Variants in SLC24A2 observed in about 807,000 individuals in gnomAD.
The protein encoded by SLC24A2 is solute carrier family 24 member 2.
SLC24A2 carries 36 observed loss-of-function variants against 62.0 expected under a neutral mutation model. The ratio of observed to expected loss-of-function variants is 0.58; its 90% CI spans 0.44 to 0.77. The LOEUF is 0.77. Among genes scored for constraint, SLC24A2 ranks in the 30% least tolerant of loss-of-function variants. The pLI is 0.00. For missense variants in SLC24A2, 846 were observed against 817.9 expected (o/e 1.03, Z -0.42); for synonymous variants, 358 against 294.0 (o/e 1.22, Z -2.23).
the SLC24A2 span, among the ~76,000 whole-genome samples, chr9:19,931,720 C>T: frequency 1.3e-5 from 2 of 152,048 alleles, no homozygotes; most frequent in Non-Finnish European, 2.9e-5. Context: ...TCCACAACAC[C>T]CCTCAGTTCC....
At chr9:20,286,386 G>A in the SLC24A2 span, among the ~76,000 whole-genome samples, 1 of 152,198 alleles carries the variant, frequency 6.6e-6, no homozygotes, top group Non-Finnish European at 1.5e-5. Context: ...TATCCTTCAT[G>A]CATGGCTTTT....
At chr9:20,058,941 T>G in the SLC24A2 span, among the ~76,000 whole-genome samples, 18,781 of 152,212 alleles carry the variant, frequency 0.12, 1,164 homozygotes, top group East Asian at 0.17. Flanking sequence ...CCCATGCTGT[T>G]GTAGTTGCAC....
the SLC24A2 span, among the ~76,000 whole-genome samples, chr9:20,000,475 A>G: frequency 6.6e-6 from 1 of 152,192 alleles, no homozygotes; most frequent in Non-Finnish European, 1.5e-5. Flanking sequence ...GTATAGGTAT[A>G]AACTCTATCT....
the SLC24A2 span, among the ~76,000 whole-genome samples, chr9:20,143,475 T>C: frequency 2.6e-5 from 4 of 152,176 alleles, no homozygotes; most frequent in Admixed American, 6.5e-5. Flanking sequence ...ATCATGAAAA[T>C]TCGACCAGAC....
the SLC24A2 span, among the ~76,000 whole-genome samples, chr9:20,103,887 G>C: frequency 6.6e-6 from 1 of 152,124 alleles, no homozygotes; most frequent in Admixed American, 6.5e-5. Context: ...GGCTTCAGAC[G>C]ATCAAACTAC....
intron 2 of SLC24A2, among the ~76,000 whole-genome samples, chr9:19,636,519 C>T (rs1290411304): frequency 2.0e-5 from 3 of 148,688 alleles, no homozygotes; most frequent in Non-Finnish European, 1.5e-5. Flanking sequence ...ACAACCTCTG[C>T]CTCCTGAGTT....
chr9:20,246,495 A>AT, the SLC24A2 span, among the ~76,000 whole-genome samples: 2 of 152,234 alleles, frequency 1.3e-5, no homozygotes, highest in African/African-American at 4.8e-5. Context: ...GTTCATTTTA[A>AT]TTTTACGAAC....
At chr9:19,763,637 C>G (rs1416042784) in intron 2 of SLC24A2, among the ~76,000 whole-genome samples, 1 of 152,162 alleles carries the variant, frequency 6.6e-6, no homozygotes, top group African/African-American at 2.4e-5. Context: ...TATGTTGAAC[C>G]AGTCTTGCAT....
the SLC24A2 span, among the ~76,000 whole-genome samples, chr9:20,016,997 T>C: frequency 2.0e-5 from 3 of 152,324 alleles, no homozygotes; most frequent in Admixed American, 1.3e-4. Context: ...AGTTGCTAAA[T>C]AAAAATAAAT....
At chr9:20,242,901 C>G in the SLC24A2 span, among the ~76,000 whole-genome samples, 1 of 152,192 alleles carries the variant, frequency 6.6e-6, no homozygotes, top group Non-Finnish European at 1.5e-5. Flanking sequence ...CCAGCCTGTT[C>G]TTCAGCCTTT....
chr9:20,048,567 A>G, the SLC24A2 span, among the ~76,000 whole-genome samples: 3 of 152,222 alleles, frequency 2.0e-5, no homozygotes, highest in Non-Finnish European at 4.4e-5. Flanking sequence ...TCTTCTTGGC[A>G]AATGTATAAC....
intron 2 of SLC24A2, among the ~76,000 whole-genome samples, chr9:19,641,313 T>C (rs1818486454): frequency 6.6e-6 from 1 of 152,238 alleles, no homozygotes; most frequent in Non-Finnish European, 1.5e-5. Flanking sequence ...TAGTTCTGAA[T>C]TTGTCTCCTC....
At chr9:19,563,204 G>C (rs1835489976) in intron 7 of SLC24A2, among the ~76,000 whole-genome samples, 1 of 152,132 alleles carries the variant, frequency 6.6e-6, no homozygotes, top group Admixed American at 6.5e-5. Context: ...CTGCTCTTGT[G>C]TTCTAGTGGT....
At chr9:19,607,423 C>A (rs1350581369) in intron 4 of SLC24A2, among the ~76,000 whole-genome samples, 1 of 152,036 alleles carries the variant, frequency 6.6e-6, no homozygotes, top group Non-Finnish European at 1.5e-5. Flanking sequence ...CCATCAAAAT[C>A]ATTTTTTTTT....
chr9:20,094,691 A>C, the SLC24A2 span, among the ~76,000 whole-genome samples: 1 of 152,242 alleles, frequency 6.6e-6, no homozygotes, highest in Admixed American at 6.5e-5. Flanking sequence ...AAAATTCAAA[A>C]GTGAAATAAA....
intron 2 of SLC24A2, among the ~76,000 whole-genome samples, chr9:19,689,841 G>A (rs572807162): frequency 2.6e-5 from 4 of 152,218 alleles, no homozygotes; most frequent in South Asian, 4.2e-4. Flanking sequence ...TTACTTCTGC[G>A]TGTGTCTGTA....
At chr9:19,639,604 T>G (rs1388229503) in intron 2 of SLC24A2, among the ~76,000 whole-genome samples, 2 of 152,238 alleles carry the variant, frequency 1.3e-5, no homozygotes, top group Non-Finnish European at 2.9e-5. Flanking sequence ...CACGCCCAGG[T>G]GTTTTTCTCA....
chr9:19,874,925 A>C, the SLC24A2 span, among the ~76,000 whole-genome samples: 1 of 151,294 alleles, frequency 6.6e-6, no homozygotes. Flanking sequence ...AATTTACAGA[A>C]GCACTTCTAG....
chr9:20,286,893 A>G, the SLC24A2 span, among the ~76,000 whole-genome samples: 1 of 152,164 alleles, frequency 6.6e-6, no homozygotes, highest in Admixed American at 6.5e-5. Context: ...TCTTACCCCA[A>G]CACTCATCCT....
Sources: allele counts gnomAD v4.1 joint callset (sites outside exome capture counted in the v4.1 genomes callset), GRCh38; gene constraint gnomAD v4.1.1; transcripts MANE v1.5; gene names NCBI Gene and HGNC (gene_info 2026-07-23, HGNC 2026-07-21).